Variants in PAK2 observed in about 807,000 individuals in gnomAD.
PAK2 encodes p21 (RAC1) activated kinase 2, also known as serine/threonine-protein kinase PAK 2.
Under a neutral mutation model 65.9 loss-of-function variants are expected in PAK2, and 21 were observed. That is an observed-to-expected ratio of 0.32 (90% CI 0.23 to 0.46). The LOEUF is 0.46. Ranked by LOEUF, PAK2 falls within the 20% of genes least tolerant of loss-of-function variation. The probability of loss-of-function intolerance (pLI) is 1.00; values close to 1 mark genes in which losing one functional copy is unlikely to be tolerated. For missense variants in PAK2, 324 were observed against 642.6 expected, an observed-to-expected ratio of 0.50 and a Z score of 5.36; for synonymous variants, 204 against 219.7, an observed-to-expected ratio of 0.93 and a Z score of 0.63.
chr3:196,772,291 A>C (rs1002530937), intron 1 of PAK2, among the ~76,000 whole-genome samples: 1 of 152,164 alleles, frequency 6.6e-6, no homozygotes, highest in Non-Finnish European at 1.5e-5. Context: ...CCCCTGTGGC[A>C]GCCATCAAAG....
At position 196,761,843 on chromosome 3, in the gene PAK2, C is replaced by G. The variant is rs1294137067; in HGVS notation, c.-21-20783C>G. The stretch of plus-strand genomic sequence containing the variant: ...TGGCCGGGCGGGGGGCTGACCCCCC[C>G]CCACCTCCCTCCCGGACGGGGTGGC... On this transcript the variant is annotated intron_variant, in intron 1 of 14. Transcript: ENST00000327134. Among the ~76,000 whole-genome samples the G allele has an allele frequency of 2.1e-4, 31 of 149,332 alleles. 1 individual carries two copies. In the South Asian group the frequency reaches 6.6e-3, roughly 32 times the overall value.
rs1042005318 is a variant in PAK2, at chr3:196,828,243, T to G, written c.1489-76T>G. The G allele has an allele frequency of 4.6e-5, 37 of 808,140 alleles. 1 individual carries two copies. The African/African-American group carries it at 5.4e-4, about 12-fold the overall frequency. The allele number at this position is 808,140 out of a possible 1,614,324, so 50.1% of individuals were successfully genotyped here. A position where few individuals can be genotyped will look rare whatever the true frequency, so the allele number is the denominator to read the frequency against. On this transcript the variant is annotated intron_variant, in intron 14 of 14. Coordinates refer to ENST00000327134, the MANE Select transcript of PAK2 (RefSeq NM_002577.4). ...TGATCGACAAGTAGTCTTTGGGGCTTAATTGAACAAAATTATTTTGTTTCT... is the reference window on the plus strand; with the variant it reads ...TGATCGACAAGTAGTCTTTGGGGCTGAATTGAACAAAATTATTTTGTTTCT...
chr3:196,813,979 G>A (rs1421318013), intron 10 of PAK2, among the ~76,000 whole-genome samples: 1 of 152,002 alleles, frequency 6.6e-6, no homozygotes, highest in African/African-American at 2.4e-5. Context: ...AACTTTTCAG[G>A]TACAGTTCCC....
rs550373003 is a variant in PAK2, at chr3:196,767,073, A to G, written c.-21-15553A>G. On this transcript the variant is annotated intron_variant, in intron 1 of 14. Transcript: ENST00000327134. The stretch of plus-strand genomic sequence containing the variant: ...TTTCACTTCATATATTATGGAGATT[A>G]CTCCATGGCAGTATATGGAGCTATT... Among the ~76,000 whole-genome samples, 3 of 150,960 alleles carry G rather than the reference A, an allele frequency of 2.0e-5. No homozygotes were observed. In the South Asian group the frequency reaches 6.3e-4, roughly 32 times the overall value.
chr3:196,793,401 G>C (rs1166530773), intron 2 of PAK2, among the ~76,000 whole-genome samples: 1 of 152,036 alleles, frequency 6.6e-6, no homozygotes, highest in East Asian at 1.9e-4. Context: ...TTTTTCTCTG[G>C]ATAAACAATG....
chr3:196,755,784 T>C (rs979190005), intron 1 of PAK2, among the ~76,000 whole-genome samples: 111 of 150,008 alleles, frequency 7.4e-4, no homozygotes, highest in African/African-American at 2.7e-3. Flanking sequence ...TGAGACGGAG[T>C]CTCGCTTTGT....
chr3:196,802,915 C>G (rs1364804193), intron 3 of PAK2, 102 bp from the exon 4 acceptor site: 2 of 704,990 alleles, frequency 2.8e-6, no homozygotes, highest in Non-Finnish European at 4.5e-6. Context: ...AACCTACACT[C>G]AAAAGATTGG....
At chr3:196,824,610 C>T (rs928133156) in intron 13 of PAK2, among the ~76,000 whole-genome samples, 7 of 151,924 alleles carry the variant, frequency 4.6e-5, no homozygotes, top group Non-Finnish European at 8.8e-5. Context: ...AGGTGAAGCA[C>T]AGGGAATTTT....
chr3:196,824,674 A>C (rs1220928675), intron 13 of PAK2, among the ~76,000 whole-genome samples: 1 of 152,124 alleles, frequency 6.6e-6, no homozygotes, highest in East Asian at 1.9e-4. Context: ...ACTGGAGAGC[A>C]TTCATTTGTC....
intron 13 of PAK2, among the ~76,000 whole-genome samples, chr3:196,821,460 G>A (rs1456724427): frequency 6.6e-6 from 1 of 152,142 alleles, no homozygotes; most frequent in Non-Finnish European, 1.5e-5. Flanking sequence ...CCAGCACTTT[G>A]GGAGGCTGGG....
At chr3:196,816,670 G>C (rs985701800) in intron 11 of PAK2, among the ~76,000 whole-genome samples, 1 of 152,136 alleles carries the variant, frequency 6.6e-6, no homozygotes, top group Non-Finnish European at 1.5e-5. Flanking sequence ...ATGAATAGTA[G>C]AAGATTTTGG....
chr3:196,783,717 A>G (rs185999747), intron 2 of PAK2, among the ~76,000 whole-genome samples: 8 of 152,230 alleles, frequency 5.3e-5, no homozygotes, highest in Admixed American at 1.3e-4. Context: ...TTCGTCCCCA[A>G]TATCCACCAT....
chr3:196,776,898 A>G (rs1474803980), intron 1 of PAK2, among the ~76,000 whole-genome samples: 2 of 152,198 alleles, frequency 1.3e-5, no homozygotes, highest in Admixed American at 1.3e-4. Flanking sequence ...AAAATCCACA[A>G]TTATGTGAAA....
intron 1 of PAK2, among the ~76,000 whole-genome samples, chr3:196,757,567 A>G (rs1014034395): frequency 6.6e-6 from 1 of 152,016 alleles, no homozygotes; most frequent in Non-Finnish European, 1.5e-5. Context: ...ATCATGTACT[A>G]CTTTTATTAT....
chr3:196,827,423 C>T, intron 14 of PAK2, 90 bp downstream of exon 14: 1 of 1,531,166 alleles, frequency 6.5e-7, no homozygotes, highest in Non-Finnish European at 8.7e-7. Context: ...GTAGATTTCA[C>T]TACTCATTGA....
chr3:196,782,887 T>G lies in PAK2; in HGVS notation c.187+54T>G. 3.3e-6 allele frequency: 4 copies of G among 1,206,284 alleles called. No individual in the cohort carries two copies. In the South Asian group the frequency reaches 5.7e-5, roughly 17 times the overall value. The allele number at this position is 1,206,284 out of a possible 1,614,324, so 74.7% of individuals were successfully genotyped here. On this transcript the variant is annotated intron_variant, in intron 2 of 14. Coordinates refer to ENST00000327134, the MANE Select transcript of PAK2 (RefSeq NM_002577.4). ...TCAGCATTGGTTTATTATTGTATGT[T>G]ACCCATGTTGATAACTTTTATGGTG...
intron 1 of PAK2, among the ~76,000 whole-genome samples, chr3:196,781,446 A>G (rs773842295): frequency 2.0e-5 from 3 of 152,190 alleles, no homozygotes; most frequent in African/African-American, 4.8e-5. Flanking sequence ...TTAGCCATGT[A>G]GCTAAGACAG....
At chr3:196,809,724 C>G (rs1480853283) in intron 7 of PAK2, among the ~76,000 whole-genome samples, 1 of 151,034 alleles carries the variant, frequency 6.6e-6, no homozygotes, top group Non-Finnish European at 1.5e-5. Flanking sequence ...TGTCACATCC[C>G]CAGTCTTTTT....
chr3:196,753,982 C>T (rs1713691784), intron 1 of PAK2, among the ~76,000 whole-genome samples: 1 of 152,072 alleles, frequency 6.6e-6, no homozygotes, highest in Admixed American at 6.6e-5. Context: ...GTTGGCTCAC[C>T]ATTTCTGTCC....
Sources: gnomAD v4.1 joint callset for allele counts (sites outside exome capture counted in the v4.1 genomes callset) on GRCh38, gnomAD v4.1.1 for gene constraint, MANE v1.5 for transcripts, NCBI Gene and HGNC (gene_info 2026-07-23, HGNC 2026-07-21) for gene names.